Variants in MYT1L observed in about 807,000 individuals in gnomAD.
MYT1L encodes the protein myelin transcription factor 1-like protein.
A neutral mutation model predicts 126.7 loss-of-function variants in MYT1L; 12 were observed. That is an observed-to-expected ratio of 0.09 (90% CI 0.06 to 0.15). The LOEUF (loss-of-function observed/expected upper bound fraction) is 0.15. Among genes scored for constraint, MYT1L ranks in the 10% least tolerant of loss-of-function variants. The pLI, the probability that MYT1L is intolerant of heterozygous loss-of-function variation, is 1.00. For synonymous variants in MYT1L, 541 were observed against 604.2 expected (o/e 0.90, Z 1.53); for missense variants, 979 against 1,585.2 (o/e 0.62, Z 6.49).
At chr2:2,145,056 T>C (rs541357562) in intron 3 of MYT1L, among the ~76,000 whole-genome samples, 1 of 152,340 alleles carries the variant, frequency 6.6e-6, no homozygotes, top group East Asian at 1.9e-4. Flanking sequence ...TGTGTGTGCG[T>C]GAATGCACAA....
chr2:2,289,268 GGC>G (rs1483383601), intron 1 of MYT1L, among the ~76,000 whole-genome samples: 1 of 152,034 alleles, frequency 6.6e-6, no homozygotes, highest in Non-Finnish European at 1.5e-5. Flanking sequence ...ATTGCATGTT[GGC>G]CAAAAAGCTT....
At position 1,910,265 on chromosome 2, in the gene MYT1L, T is replaced by C. The variant is rs765073196; in HGVS notation, c.1792A>G (p.Ser598Gly). ...KHQSCDVSKSSQASDRVLRPM... is the reference protein window; with the variant it reads ...KHQSCDVSKSGQASDRVLRPM... ...CTGAGCACGCGGTCCGAGGCCTGGC[T>C]GGACTTGGACACGTCGCAGCTCTGG... The change falls in exon 13 of 25, where the codon AGC becomes GGC. Residue 598 changes from serine (S) to glycine (G), a missense_variant. By Grantham distance (56) the Ser-to-Gly change is moderately conservative. Around this residue, in one of 12 missense-constraint regions of MYT1L, gnomAD observed 82 missense variants for 177.2 expected, o/e 0.46. Coordinates refer to ENST00000647738, the MANE Select transcript of MYT1L (RefSeq NM_001303052.2). The surrounding 1 kb of genome is among the most constrained non-coding windows in gnomAD (Gnocchi z 4.8). 3.1e-6 allele frequency: 5 copies of C among 1,613,320 alleles called. 1 individual carries two copies. The South Asian group carries it at 4.4e-5, about 14-fold the overall frequency.
chr2:2,282,132 G>A (rs1390105675), intron 2 of MYT1L, among the ~76,000 whole-genome samples: 1 of 152,132 alleles, frequency 6.6e-6, no homozygotes, highest in Non-Finnish European at 1.5e-5. Flanking sequence ...CCATGTATCA[G>A]AGACTCAATA....
rs73911368 is a variant in MYT1L at position 2,114,776 on chromosome 2, G to C, written c.-304+58096C>G. Among the ~76,000 whole-genome samples the C allele has an allele frequency of 8.6e-3, 1,304 of 152,262 alleles. 18 individuals are homozygous for C. The highest frequency in any genetic ancestry group is 0.026 in the African/African-American group (1,092 of 41,550). The stretch of plus-strand genomic sequence containing the variant: ...CAGACCCAGGATCTTCATAAACAAC[G>C]CAAGGAGTCGAAGAGATCTTTGAAA... On this transcript the variant is annotated intron_variant, in intron 3 of 24. Coordinates refer to ENST00000647738, the MANE Select transcript of MYT1L (RefSeq NM_001303052.2).
intron 18 of MYT1L, among the ~76,000 whole-genome samples, chr2:1,856,935 G>A (rs1441076148): frequency 7.0e-6 from 1 of 143,306 alleles, no homozygotes; most frequent in Non-Finnish European, 1.5e-5. Flanking sequence ...GTCAGGACAA[G>A]CTGCCACATG....
intron 19 of MYT1L, among the ~76,000 whole-genome samples, chr2:1,844,907 G>A (rs2042288359): frequency 6.6e-6 from 1 of 152,078 alleles, no homozygotes; most frequent in African/African-American, 2.4e-5. Flanking sequence ...CTGGGCATTG[G>A]AGCTACAGCT....
At chr2:2,246,685 A>T (rs921727473) in intron 2 of MYT1L, among the ~76,000 whole-genome samples, 2 of 152,186 alleles carry the variant, frequency 1.3e-5, no homozygotes, top group African/African-American at 4.8e-5. Flanking sequence ...AATCATCCAG[A>T]AGAAGGCATG....
In MYT1L at chr2:1,917,335, G is replaced by A. The variant is rs770016877; in HGVS notation, c.1488C>T (p.Pro496=). The A allele has an allele frequency of 2.0e-5, 32 of 1,608,806 alleles. No homozygotes were observed. The South Asian group carries it at 3.4e-4, about 17-fold the overall frequency. The part of the protein sequence containing the change: ...HVKKPYYGKD[P]SRTEKKESKC... ...TGCTCTCTTTCTTTTCTGTTCTTGA[G>A]GGATCTAAAAGCGACAACAGGTGCC... Residue 496 remains proline, a synonymous_variant, in exon 11 of 25, where the codon CCC becomes CCT. Transcript: ENST00000647738. The surrounding 1 kb of genome is among the most constrained non-coding windows in gnomAD (Gnocchi z 5.9).
At chr2:2,032,675 C>T (rs2066472683) in intron 4 of MYT1L, among the ~76,000 whole-genome samples, 1 of 123,282 alleles carries the variant, frequency 8.1e-6, no homozygotes, top group East Asian at 2.6e-4. Flanking sequence ...TTACACACAC[C>T]CCTCGCAAGT....
rs962742039 is a variant in MYT1L at position 1,887,317 on chromosome 2, G to T, written c.2642+171C>A. 6.6e-6 allele frequency among the ~76,000 whole-genome samples: 1 copy of T among 152,238 alleles called. No individual in the cohort carries two copies. Among genetic ancestry groups the T allele is most frequent in the African/African-American group, 2.4e-5 (1 of 41,470 alleles). On this transcript the variant is annotated intron_variant, in intron 17 of 24. Coordinates refer to ENST00000647738, the MANE Select transcript of MYT1L (RefSeq NM_001303052.2). This position sits in a 1 kb window ranked among gnomAD's most constrained non-coding sequence, Gnocchi z 4.8. ...ATCCGACAGAGCGTCACTGGGAACA[G>T]GCAAGTGCACGGTTAGCTGCTCACT...
intron 4 of MYT1L, among the ~76,000 whole-genome samples, chr2:2,032,816 C>T (rs1414735588): frequency 1.5e-5 from 2 of 136,034 alleles, no homozygotes; most frequent in Middle Eastern, 4.3e-3. Context: ...CTCGCCAGTG[C>T]CTCTCATCCT....
rs570060029 is a variant in MYT1L at position 1,869,737 on chromosome 2, A to T, written c.2711+16802T>A. 3.3e-5 allele frequency among the ~76,000 whole-genome samples: 5 copies of T among 152,282 alleles called. No homozygotes were observed. The South Asian group carries it at 1.0e-3, about 32-fold the overall frequency. ...AAGTTAGTCCTCATCTTAGACTTGG[A>T]AGATGATTATTATCATTATCCCAGT... On this transcript the variant is annotated intron_variant, in intron 18 of 24. Coordinates refer to ENST00000647738, the MANE Select transcript of MYT1L (RefSeq NM_001303052.2).
At position 1,791,399 on chromosome 2, in the gene MYT1L, T is replaced by C. The variant is rs1043195750; in HGVS notation, c.*468A>G. On this transcript the variant is annotated 3_prime_UTR_variant, in exon 25 of 25. Transcript: ENST00000647738. The surrounding 1 kb of genome is among the most constrained non-coding windows in gnomAD (Gnocchi z 6.0). ...TTAAATTCCATAAAGTCCTCCAACA[T>C]GAGGCAAAATGATAACGTCTAAAAA... 1.0e-5 allele frequency: 4 copies of C among 391,312 alleles called. No individual in the cohort carries two copies. The highest frequency in any genetic ancestry group is 3.6e-5 in the Admixed American group (1 of 28,160). The allele number at this position is 391,312 out of a possible 1,614,324, so 24.2% of individuals were successfully genotyped here.
At chr2:1,949,198 G>A (rs1483140832) in intron 8 of MYT1L, among the ~76,000 whole-genome samples, 3 of 152,176 alleles carry the variant, frequency 2.0e-5, no homozygotes, top group African/African-American at 7.2e-5. Flanking sequence ...TCTTATCCTT[G>A]GACTTCTCAC....
intron 2 of MYT1L, among the ~76,000 whole-genome samples, chr2:2,185,788 C>T (rs529274504): frequency 8.2e-6 from 1 of 121,692 alleles, no homozygotes; most frequent in East Asian, 2.5e-4. Flanking sequence ...GGGACGCAGC[C>T]GGGCCTTCCG....
intron 2 of MYT1L, among the ~76,000 whole-genome samples, chr2:2,210,392 A>T (rs1270546472): frequency 6.6e-6 from 1 of 152,092 alleles, no homozygotes; most frequent in Non-Finnish European, 1.5e-5. Flanking sequence ...TTTAAATTTA[A>T]GTTTTTAATT....
At chr2:2,007,690 G>A (rs1297513478) in intron 4 of MYT1L, among the ~76,000 whole-genome samples, 2 of 152,076 alleles carry the variant, frequency 1.3e-5, no homozygotes, top group Non-Finnish European at 2.9e-5. Flanking sequence ...CATTCACACA[G>A]CTGTCCTTCC....
intron 1 of MYT1L, among the ~76,000 whole-genome samples, chr2:2,288,182 A>C (rs1393549755): frequency 6.6e-6 from 1 of 152,212 alleles, no homozygotes; most frequent in African/African-American, 2.4e-5. Flanking sequence ...GACCAGGTAG[A>C]TACAGGACAA....
At chr2:1,986,367 C>T (rs576732695) in intron 5 of MYT1L, among the ~76,000 whole-genome samples, 1 of 152,198 alleles carries the variant, frequency 6.6e-6, no homozygotes, top group Admixed American at 6.5e-5. Context: ...CAGAAGTCAG[C>T]AAGGAGCCTT....
Sources: allele counts gnomAD v4.1 joint callset (sites outside exome capture counted in the v4.1 genomes callset), GRCh38; gene constraint gnomAD v4.1.1; regional missense constraint gnomAD v4.1.1; non-coding constraint Gnocchi (gnomAD v3.1); transcripts MANE v1.5; gene names NCBI Gene and HGNC (gene_info 2026-07-23, HGNC 2026-07-21).